HK1: variants seen among roughly 807,000 people sequenced by gnomAD.
HK1 encodes hexokinase-1.
HK1 carries 28 observed loss-of-function variants against 91.6 expected under a neutral mutation model. The observed-to-expected ratio is 0.31, with a 90% CI of 0.23 to 0.42. The LOEUF is 0.42. Among genes scored for constraint, HK1 ranks in the 10% least tolerant of loss-of-function variants. The pLI, the probability that HK1 is intolerant of heterozygous loss-of-function variation, is 1.00. For missense variants in HK1, 770 were observed against 1,219.8 expected (o/e 0.63, Z 5.49); for synonymous variants, 430 against 468.1 (o/e 0.92, Z 1.05).
At chr10:69,309,587 G>A (rs1360295199) in intron 5 of HK1, among the ~76,000 whole-genome samples, 1 of 142,898 alleles carries the variant, frequency 7.0e-6, no homozygotes, top group African/African-American at 2.6e-5. Flanking sequence ...GGATCATGAG[G>A]TCAGGAAATT....
chr10:69,376,913 C>T, intron 7 of HK1, 21 bp from the exon 8 acceptor site: 1 of 1,613,952 alleles, frequency 6.2e-7, no homozygotes, highest in Admixed American at 1.7e-5. Context: ...CTGACAAGTG[C>T]CGGTGTGCCT....
intron 1 of HK1, 41 bp downstream of exon 1, chr10:69,319,051 C>G (rs1178062195): frequency 1.9e-6 from 3 of 1,571,678 alleles, no homozygotes; most frequent in South Asian, 2.3e-5. Flanking sequence ...TGGCCGCAGC[C>G]TTGCGTTCCG....
At chr10:69,375,506 C>T (rs772186845) in intron 7 of HK1, among the ~76,000 whole-genome samples, 40 of 152,162 alleles carry the variant, frequency 2.6e-4, no homozygotes, top group Admixed American at 1.9e-3. Context: ...CAGGCGGTCA[C>T]GTCTGGTTCT....
intron 7 of HK1, among the ~76,000 whole-genome samples, chr10:69,375,248 C>G (rs987726460): frequency 6.6e-6 from 1 of 152,192 alleles, no homozygotes; most frequent in Admixed American, 6.5e-5. Context: ...CATTGTTAGC[C>G]AGATATTGTA....
exon 3 of HK1, chr10:69,288,756 T>G (rs1373890681): frequency 5.0e-6 from 8 of 1,613,872 alleles, no homozygotes; most frequent in Non-Finnish European, 6.8e-6. Flanking sequence ...GGGGCAGATC[T>G]GCCAGCGAGA....
chr10:69,338,601 T>C (rs1167112902), intron 1 of HK1: 5 of 1,289,228 alleles, frequency 3.9e-6, no homozygotes, highest in Non-Finnish European at 5.1e-6. Context: ...CTTCGGGCAC[T>C]GATGTTTGGC....
intron 2 of HK1, among the ~76,000 whole-genome samples, chr10:69,348,053 C>A (rs777553494): frequency 7.9e-5 from 12 of 152,114 alleles, no homozygotes; most frequent in Non-Finnish European, 1.6e-4. Flanking sequence ...CCTTTTTTCT[C>A]CTTTTCTCAT....
At position 69,351,431 on chromosome 10, in the gene HK1, C is replaced by A. The variant is rs544285874; in HGVS notation, c.226+7442C>A. Among the ~76,000 whole-genome samples the A allele has an allele frequency of 2.9e-3, 449 of 152,272 alleles. 4 individuals are homozygous for A. Among genetic ancestry groups the A allele is most frequent in the Non-Finnish European group, 4.4e-3 (297 of 68,012 alleles). ...GGCTGAGGCAAGAGAATCGCTTGAA[C>A]CCCGGAGGCGGAGGTTGCAGTGAGC... On this transcript the variant is annotated intron_variant, in intron 2 of 17. Coordinates refer to ENST00000359426, the MANE Select transcript of HK1 (RefSeq NM_000188.3).
At chr10:69,270,965 A>G (rs928387882) in intron 1 of HK1, 2 of 152,204 alleles carry the variant, frequency 1.3e-5, no homozygotes, top group African/African-American at 2.4e-5. Flanking sequence ...GAATCTCTCC[A>G]TTCTTCTTCC....
intron 1 of HK1, among the ~76,000 whole-genome samples, chr10:69,332,357 T>TTTTCTTTCTTTCTTTCTTTCTTTC (rs140249017): frequency 9.2e-5 from 13 of 140,832 alleles, no homozygotes; most frequent in African/African-American, 2.9e-4. Context: ...CTAGGCCTCA[T>TTTTCTTTCTTTCTTTCTTTCTTTC]TTTCTTTCTT....
upstream of HK1, chr10:69,316,047 G>T (rs368783037): frequency 5.9e-4 from 938 of 1,577,570 alleles, 12 homozygotes; most frequent in South Asian, 9.9e-3. Flanking sequence ...AGGTTGGCAA[G>T]CTGGGCCTTA....
Position 69,310,254 on chromosome 10 carries a change from C to G in HK1, c.27+9393C>G, listed in dbSNP as rs143068294. Among the ~76,000 whole-genome samples the G allele has an allele frequency of 8.5e-3, 1,291 of 151,370 alleles. 17 individuals are homozygous for G. Among genetic ancestry groups the G allele is most frequent in the East Asian group, 0.055 (282 of 5,086 alleles). The stretch of plus-strand genomic sequence containing the variant: ...TGGCCAACATGGCAAAACTCCCTCT[C>G]TATTAAAAACACAAAAATTAGCCGG... On this transcript the variant is annotated intron_variant, in intron 5 of 21. Transcript: ENST00000360289.
intron 2 of HK1, 112 bp downstream of exon 2, chr10:69,344,101 A>G (rs372952515): frequency 1.5e-5 from 16 of 1,101,104 alleles, no homozygotes; most frequent in South Asian, 6.4e-5. Flanking sequence ...CATTCCATCA[A>G]TCTGCTCTCC....
chr10:69,315,547 A>G (rs1331656194), upstream of HK1, among the ~76,000 whole-genome samples: 1 of 152,184 alleles, frequency 6.6e-6, no homozygotes, highest in Non-Finnish European at 1.5e-5. Flanking sequence ...CTGAGGATCC[A>G]GGGAGTAACT....
At chr10:69,385,251 C>G (rs1839578262) in intron 12 of HK1, among the ~76,000 whole-genome samples, 1 of 152,198 alleles carries the variant, frequency 6.6e-6, no homozygotes, top group Non-Finnish European at 1.5e-5. Flanking sequence ...TTTGTTTCTG[C>G]TAGTGGTAGA....
intron 5 of HK1, among the ~76,000 whole-genome samples, chr10:69,305,263 T>C (rs762122312): frequency 2.6e-5 from 4 of 152,118 alleles, no homozygotes; most frequent in African/African-American, 4.8e-5. Context: ...CACTCTCACT[T>C]TCATCTCTGG....
chr10:69,332,297 G>C (rs543983548), intron 1 of HK1, among the ~76,000 whole-genome samples: 2 of 151,830 alleles, frequency 1.3e-5, no homozygotes, highest in African/African-American at 4.8e-5. Context: ...CCATTATCTC[G>C]AAAGGACCCA....
Position 69,286,166 on chromosome 10 carries a change from A to G in HK1, c.-214-2505A>G, listed in dbSNP as rs559632747. Among the ~76,000 whole-genome samples, 26 of 152,358 alleles carry G rather than the reference A, an allele frequency of 1.7e-4. No individual in the cohort carries two copies. The South Asian group carries it at 5.2e-3, about 30-fold the overall frequency. ...TCAAAATTTGTTAAGCCCATATAGC[A>G]TAATAAGGAGAACATCTATCTACAA... On this transcript the variant is annotated intron_variant, in intron 2 of 21. Transcript: ENST00000360289.
intron 1 of HK1, among the ~76,000 whole-genome samples, chr10:69,324,490 G>A (rs1321625648): frequency 6.6e-6 from 1 of 152,202 alleles, no homozygotes; most frequent in Non-Finnish European, 1.5e-5. Flanking sequence ...TTCTCGGGAG[G>A]CTGAGGCAGA....
Sources: gnomAD v4.1 joint callset for allele counts (sites outside exome capture counted in the v4.1 genomes callset) on GRCh38, gnomAD v4.1.1 for gene constraint, MANE v1.5 for transcripts, NCBI Gene and HGNC (gene_info 2026-07-23, HGNC 2026-07-21) for gene names.